ZNF695: variants seen among roughly 807,000 people sequenced by gnomAD.
The protein encoded by ZNF695 is zinc finger protein SBZF3.
ZNF695 carries 11 observed loss-of-function variants against 11.2 expected under a neutral mutation model. That is an observed-to-expected ratio of 0.98 (90% CI 0.62 to 1.62). The LOEUF is 1.62. Among genes scored for constraint, ZNF695 ranks in the 40% most tolerant of loss-of-function variants. ZNF695 has a pLI of 0.00. For synonymous variants in ZNF695, 190 were observed against 201.4 expected (o/e 0.94, Z 0.48); for missense variants, 559 against 590.5 (o/e 0.95, Z 0.55).
At chr1:246,983,498 T>C (rs1226370256), downstream of ZNF695, among the ~76,000 whole-genome samples, 19 of 151,942 alleles carry the variant, frequency 1.3e-4, no homozygotes, top group Non-Finnish European at 8.8e-5. Context: ...TTGTAAAATA[T>C]AAATGACCTC....
chr1:246,960,830 G>A (rs1668145174), intron 5 of ZNF695, among the ~76,000 whole-genome samples: 1 of 152,106 alleles, frequency 6.6e-6, no homozygotes. Flanking sequence ...CTACTTGGGA[G>A]TCTGAGGTGG....
At chr1:247,006,200 G>C (rs1023794862) in intron 1 of ZNF695, among the ~76,000 whole-genome samples, 21 of 150,198 alleles carry the variant, frequency 1.4e-4, no homozygotes, top group African/African-American at 5.2e-4. Context: ...ACTCCAGCCT[G>C]GGCGACAGAG....
intron 3 of ZNF695, chr1:246,995,900 C>A: frequency 4.5e-5 from 13 of 287,012 alleles, no homozygotes; most frequent in South Asian, 8.9e-5. Context: ...GTCAATGAAA[C>A]AGAATAGAAA....
intron 4 of ZNF695, among the ~76,000 whole-genome samples, chr1:246,969,850 TAAAC>T (rs1370093879): frequency 6.6e-6 from 1 of 152,090 alleles, no homozygotes; most frequent in Non-Finnish European, 1.5e-5. Context: ...TACACATTCT[TAAAC>T]AACCAGATCT....
At chr1:246,959,192 T>C (rs938801958) in intron 5 of ZNF695, among the ~76,000 whole-genome samples, 3 of 143,180 alleles carry the variant, frequency 2.1e-5, no homozygotes, top group African/African-American at 7.9e-5. Flanking sequence ...GGCAGGAGGA[T>C]TGCTTGAGCC....
At chr1:246,978,154 T>C (rs542696112) in intron 4 of ZNF695, among the ~76,000 whole-genome samples, 18 of 152,268 alleles carry the variant, frequency 1.2e-4, no homozygotes, top group Non-Finnish European at 2.1e-4. Flanking sequence ...ACCTGTACTA[T>C]CATGAGTTCT....
chr1:246,989,464 A>G (rs1250184590), intron 3 of ZNF695, among the ~76,000 whole-genome samples: 1 of 152,168 alleles, frequency 6.6e-6, no homozygotes, highest in Admixed American at 6.5e-5. Context: ...CATCAAACCA[A>G]AAAACATACA....
chr1:246,982,224 C>T (rs561853755), downstream of ZNF695, among the ~76,000 whole-genome samples: 8 of 145,902 alleles, frequency 5.5e-5, no homozygotes, highest in South Asian at 6.6e-4. Context: ...GAGCCGAGAT[C>T]GCGCCATTGC....
rs551786091 is a variant in ZNF695 at position 246,986,157 on chromosome 1, C to T, written c.*810G>A. The T allele has an allele frequency of 1.1e-5, 7 of 627,186 alleles. No homozygotes were observed. In the Admixed American group the frequency reaches 1.9e-4, roughly 17 times the overall value. The allele number at this position is 627,186 out of a possible 1,614,324, so 38.9% of individuals were successfully genotyped here. A position where few individuals can be genotyped will look rare whatever the true frequency, so the allele number is the denominator to read the frequency against. On this transcript the variant is annotated 3_prime_UTR_variant, in exon 4 of 4. Transcript: ENST00000339986. Reference sequence around the variant, plus strand: ...AGATAGCAGCTCACTGCATCCTCAACCTCCAGGCTCAAGCAATCCTCCCAC... The same window carrying T: ...AGATAGCAGCTCACTGCATCCTCAATCTCCAGGCTCAAGCAATCCTCCCAC...
At chr1:246,962,700 T>TC in intron 5 of ZNF695, among the ~76,000 whole-genome samples, 1 of 151,828 alleles carries the variant, frequency 6.6e-6, no homozygotes, top group East Asian at 1.9e-4. Flanking sequence ...ACCTTTCTTT[T>TC]TTTTTTTTTT....
rs34062610 is a variant in ZNF695 at position 246,990,020 on chromosome 1, AG to A, written c.260-1766del. On this transcript the variant is annotated intron_variant, in intron 3 of 3. Coordinates refer to ENST00000339986, the MANE Select transcript of ZNF695 (RefSeq NM_020394.5). ...CATCTTGAAAGGGAGAAAGGGAGAA[AG>A]GGGAAAGGGAAAGGAAAGGAAAGGA... 8.5e-3 allele frequency among the ~76,000 whole-genome samples: 36 copies of A among 4,222 alleles called. No homozygotes were observed. In the East Asian group the frequency reaches 0.41, roughly 48 times the overall value. 2.8% of individuals were successfully genotyped at this position (4,222 alleles called of 152,430 possible). A position where few individuals can be genotyped will look rare whatever the true frequency, so the allele number is the denominator to read the frequency against.
chr1:247,001,489 A>G (rs1417045208), intron 1 of ZNF695, among the ~76,000 whole-genome samples: 1 of 151,996 alleles, frequency 6.6e-6, no homozygotes, highest in East Asian at 1.9e-4. Context: ...AGGCAGGCAG[A>G]TCACTTGAGG....
chr1:246,983,379 G>A (rs533050185), downstream of ZNF695, among the ~76,000 whole-genome samples: 1 of 152,030 alleles, frequency 6.6e-6, no homozygotes, highest in East Asian at 1.9e-4. Flanking sequence ...AAATTAGCTG[G>A]GCATGGTGGC....
At chr1:246,976,030 G>T (rs1668549004) in intron 4 of ZNF695, among the ~76,000 whole-genome samples, 1 of 152,176 alleles carries the variant, frequency 6.6e-6, no homozygotes, top group Non-Finnish European at 1.5e-5. Flanking sequence ...AGCATAAGAT[G>T]AACAGTTTCT....
chr1:246,951,226 A>G (rs1667863483), intron 5 of ZNF695, among the ~76,000 whole-genome samples: 1 of 152,142 alleles, frequency 6.6e-6, no homozygotes, highest in South Asian at 2.1e-4. Flanking sequence ...TTCCCCAAAA[A>G]GGTATGCTGA....
Position 246,986,638 on chromosome 1 carries a change from G to A in ZNF695, c.*329C>T. 1.9e-6 allele frequency: 2 copies of A among 1,035,208 alleles called. No homozygotes were observed. Among genetic ancestry groups the A allele is most frequent in the Non-Finnish European group, 2.3e-6 (2 of 862,786 alleles). 64.1% of individuals were successfully genotyped at this position (1,035,208 alleles called of 1,614,324 possible). On this transcript the variant is annotated 3_prime_UTR_variant, in exon 4 of 4. Coordinates refer to ENST00000339986, the MANE Select transcript of ZNF695 (RefSeq NM_020394.5). ...TCTGAGGTATATTTTTTGAACAAAT[G>A]TTGTTTCTGCATTTATTACATTTGT...
intron 5 of ZNF695, among the ~76,000 whole-genome samples, chr1:246,949,686 C>T (rs562298130): frequency 6.6e-6 from 1 of 152,244 alleles, no homozygotes; most frequent in African/African-American, 2.4e-5. Context: ...AGGTTCCCAA[C>T]AGTGACTGAT....
At chr1:246,962,755 C>T (rs557496844) in intron 5 of ZNF695, among the ~76,000 whole-genome samples, 6 of 151,904 alleles carry the variant, frequency 3.9e-5, no homozygotes, top group African/African-American at 7.2e-5. Flanking sequence ...TACAGTGGCA[C>T]GATCTCAGCT....
chr1:246,986,751 C>A lies in ZNF695; in HGVS notation c.*216G>T. 7.9e-7 allele frequency: 1 copy of A among 1,272,216 alleles called. No homozygotes were observed. Among genetic ancestry groups the A allele is most frequent in the South Asian group, 2.9e-5 (1 of 34,230 alleles). The allele number at this position is 1,272,216 out of a possible 1,614,324, so 78.8% of individuals were successfully genotyped here. A position where few individuals can be genotyped will look rare whatever the true frequency, so the allele number is the denominator to read the frequency against. ...CCTCCAGTATAAATTCTTCTGTGTACAGTAAGAGCTGTGATATAAGTGGAG... is the reference window on the plus strand; with the variant it reads ...CCTCCAGTATAAATTCTTCTGTGTAAAGTAAGAGCTGTGATATAAGTGGAG... On this transcript the variant is annotated 3_prime_UTR_variant, in exon 4 of 4. Transcript: ENST00000339986.
Sources: allele counts gnomAD v4.1 joint callset (sites outside exome capture counted in the v4.1 genomes callset), GRCh38; gene constraint gnomAD v4.1.1; transcripts MANE v1.5; gene names NCBI Gene and HGNC (gene_info 2026-07-23, HGNC 2026-07-21).